The following PRMT3 variants were observed in gnomAD, a reference collection of about 807,000 sequenced individuals.
PRMT3 encodes protein arginine N-methyltransferase 3.
In PRMT3, 62 loss-of-function variants were observed where a neutral mutation model predicts 71.9. The ratio of observed to expected loss-of-function variants is 0.86; its 90% CI spans 0.70 to 1.07. PRMT3 has a LOEUF of 1.07. PRMT3 is among the 50% of genes least tolerant of loss of function. PRMT3 has a pLI of 0.00. For missense variants in PRMT3, 663 were observed against 643.0 expected (o/e 1.03, Z -0.34); for synonymous variants, 213 against 220.4 (o/e 0.97, Z 0.30).
At chr11:20,395,368 G>A (rs1422787345) in intron 5 of PRMT3, among the ~76,000 whole-genome samples, 4 of 151,876 alleles carry the variant, frequency 2.6e-5, no homozygotes, top group Admixed American at 6.6e-5. Context: ...TTTTAAGACC[G>A]AGTCTCACTG....
Position 20,397,828 on chromosome 11 carries a change from G to A in PRMT3, c.705+107G>A. 3 of 1,191,052 alleles carry A rather than the reference G, an allele frequency of 2.5e-6. No homozygotes were observed. The South Asian group carries it at 5.0e-5, about 20-fold the overall frequency. The allele number at this position is 1,191,052 out of a possible 1,614,324, so 73.8% of individuals were successfully genotyped here. On this transcript the variant is annotated intron_variant, in intron 7 of 15. Transcript: ENST00000331079. ...AGGAGACCTCTTTTTTTTGGGTGGG[G>A]AGAACTGCTTTTTAAACACCTCTTT...
intron 6 of PRMT3, among the ~76,000 whole-genome samples, chr11:20,397,245 A>G (rs913824927): frequency 2.0e-5 from 3 of 152,234 alleles, no homozygotes; most frequent in Admixed American, 6.5e-5. Context: ...AACGACATTG[A>G]TTCATTTGCT....
At chr11:20,392,756 A>G (rs550839053) in intron 4 of PRMT3, 141 bp from the exon 5 acceptor site, 3 of 534,240 alleles carry the variant, frequency 5.6e-6, no homozygotes, top group Non-Finnish European at 6.6e-6. Flanking sequence ...ATGAAATGAC[A>G]GGCACGTAGA....
intron 10 of PRMT3, among the ~76,000 whole-genome samples, chr11:20,439,737 G>A (rs146408633): frequency 7.9e-4 from 120 of 152,304 alleles, no homozygotes; most frequent in African/African-American, 2.7e-3. Context: ...TAGATTTAAT[G>A]TAATCCAGCA....
At chr11:20,490,905 T>C (rs972427563) in intron 13 of PRMT3, among the ~76,000 whole-genome samples, 2 of 152,210 alleles carry the variant, frequency 1.3e-5, no homozygotes, top group African/African-American at 4.8e-5. Flanking sequence ...TTTCCTTGAC[T>C]TGAAAATGCC....
intron 13 of PRMT3, among the ~76,000 whole-genome samples, chr11:20,481,388 G>T (rs939228129): frequency 6.6e-6 from 1 of 151,950 alleles, no homozygotes; most frequent in East Asian, 1.9e-4. Flanking sequence ...TGTTTCTTTA[G>T]TAGATTTCTG....
chr11:20,465,491 T>C (rs1818317344), intron 13 of PRMT3, among the ~76,000 whole-genome samples: 1 of 152,078 alleles, frequency 6.6e-6, no homozygotes, highest in African/African-American at 2.4e-5. Flanking sequence ...TGCCTGATTC[T>C]TTTAAATATT....
chr11:20,402,691 A>C (rs779506991), intron 7 of PRMT3, among the ~76,000 whole-genome samples: 2 of 152,210 alleles, frequency 1.3e-5, no homozygotes, highest in African/African-American at 2.4e-5. Flanking sequence ...CGCATTTTTA[A>C]GAACTTGGGT....
intron 7 of PRMT3, among the ~76,000 whole-genome samples, chr11:20,398,157 T>TA (rs1240317220): frequency 2.6e-5 from 4 of 152,044 alleles, no homozygotes; most frequent in Non-Finnish European, 5.9e-5. Context: ...AGCTATTAAA[T>TA]AGGAACAATT....
At chr11:20,468,096 G>A (rs900273981) in intron 13 of PRMT3, among the ~76,000 whole-genome samples, 7 of 152,144 alleles carry the variant, frequency 4.6e-5, no homozygotes, top group Admixed American at 6.5e-5. Flanking sequence ...AAGAATTAGC[G>A]AAGATATTGA....
chr11:20,424,503 C>G (rs527694366), intron 9 of PRMT3, among the ~76,000 whole-genome samples: 3 of 152,244 alleles, frequency 2.0e-5, no homozygotes, highest in African/African-American at 7.2e-5. Flanking sequence ...TTTTTCAACA[C>G]TGTATCAGTA....
At chr11:20,415,856 G>C (rs1203204922) in intron 9 of PRMT3, among the ~76,000 whole-genome samples, 1 of 152,160 alleles carries the variant, frequency 6.6e-6, no homozygotes. Flanking sequence ...CTTGTTCTTA[G>C]AGTTTGATCA....
intron 13 of PRMT3, among the ~76,000 whole-genome samples, chr11:20,479,645 T>C (rs536995250): frequency 1.7e-4 from 26 of 152,276 alleles, no homozygotes; most frequent in African/African-American, 6.3e-4. Flanking sequence ...GGTTCTCTAA[T>C]TGTGTATGTT....
At chr11:20,493,828 T>C (rs948992496) in intron 13 of PRMT3, 91 bp from the exon 14 acceptor site, 1 of 857,564 alleles carries the variant, frequency 1.2e-6, no homozygotes, top group Non-Finnish European at 1.8e-6. Context: ...TGAAATGGTT[T>C]ATCATTTGCC....
intron 13 of PRMT3, among the ~76,000 whole-genome samples, chr11:20,482,517 T>G (rs1307818140): frequency 6.6e-6 from 1 of 152,046 alleles, no homozygotes; most frequent in Non-Finnish European, 1.5e-5. Flanking sequence ...GGACTCTTGA[T>G]TAGAGATGTC....
intron 9 of PRMT3, among the ~76,000 whole-genome samples, chr11:20,410,929 C>T (rs928195734): frequency 1.2e-4 from 19 of 152,056 alleles, no homozygotes; most frequent in Non-Finnish European, 2.4e-4. Flanking sequence ...ATAAATTGCT[C>T]CTCCCTTCTC....
chr11:20,451,433 G>T (rs969529687), intron 10 of PRMT3, among the ~76,000 whole-genome samples: 1 of 151,854 alleles, frequency 6.6e-6, no homozygotes, highest in Non-Finnish European at 1.5e-5. Context: ...TCTAATAGGA[G>T]GATATGGCAG....
intron 11 of PRMT3, among the ~76,000 whole-genome samples, chr11:20,455,937 C>T (rs1249410425): frequency 6.6e-6 from 1 of 151,822 alleles, no homozygotes; most frequent in South Asian, 2.1e-4. Context: ...AAGTCAAATG[C>T]TAAAAATACT....
intron 9 of PRMT3, among the ~76,000 whole-genome samples, chr11:20,413,354 C>T (rs1002486276): frequency 1.3e-5 from 2 of 152,190 alleles, no homozygotes; most frequent in Non-Finnish European, 2.9e-5. Flanking sequence ...TTGAGGAGGC[C>T]GCATAGCATG....
Sources: allele counts gnomAD v4.1 joint callset (sites outside exome capture counted in the v4.1 genomes callset), GRCh38; gene constraint gnomAD v4.1.1; transcripts MANE v1.5; gene names NCBI Gene and HGNC (gene_info 2026-07-23, HGNC 2026-07-21).